Variants in HS3ST4 observed in about 807,000 individuals in gnomAD.
HS3ST4 encodes heparan sulfate-glucosamine 3-sulfotransferase 4.
Under a neutral mutation model 29.2 loss-of-function variants are expected in HS3ST4, and 17 were observed. That is an observed-to-expected ratio of 0.58 (90% CI 0.40 to 0.87). The LOEUF (loss-of-function observed/expected upper bound fraction) is 0.87, where lower values mean the gene tolerates loss of function less well. HS3ST4 is among the 40% of genes least tolerant of loss of function. HS3ST4 has a pLI of 0.00. For synonymous variants in HS3ST4, 314 were observed against 285.7 expected (o/e 1.10, Z -1.00); for missense variants, 627 against 634.5 (o/e 0.99, Z 0.13).
At chr16:26,011,897 G>T (rs1260030439) in intron 1 of HS3ST4, among the ~76,000 whole-genome samples, 1 of 152,146 alleles carries the variant, frequency 6.6e-6, no homozygotes, top group Admixed American at 6.5e-5. Flanking sequence ...TCTACAGATT[G>T]TAGGCTTGCC....
At chr16:25,989,401 C>T (rs896768304) in intron 1 of HS3ST4, among the ~76,000 whole-genome samples, 2 of 152,132 alleles carry the variant, frequency 1.3e-5, no homozygotes, top group Non-Finnish European at 2.9e-5. Flanking sequence ...GACACCACTG[C>T]GGTGACATAC....
At chr16:26,097,530 A>G (rs994503720) in intron 1 of HS3ST4, among the ~76,000 whole-genome samples, 2 of 152,240 alleles carry the variant, frequency 1.3e-5, no homozygotes, top group African/African-American at 4.8e-5. Context: ...GGCTAGCCAT[A>G]TGTAGAAAGC....
chr16:25,784,524 G>T (rs1391777515), intron 1 of HS3ST4, among the ~76,000 whole-genome samples: 1 of 152,234 alleles, frequency 6.6e-6, no homozygotes, highest in Non-Finnish European at 1.5e-5. Context: ...CTTTATTGCT[G>T]ATATGGGGGA....
chr16:26,048,559 AG>A (rs1898296832), intron 1 of HS3ST4, among the ~76,000 whole-genome samples: 1 of 152,196 alleles, frequency 6.6e-6, no homozygotes, highest in African/African-American at 2.4e-5. Context: ...GCTCATGCCT[AG>A]AATCCCAGCA....
chr16:25,916,855 A>C (rs1968298708), intron 1 of HS3ST4, among the ~76,000 whole-genome samples: 1 of 151,022 alleles, frequency 6.6e-6, no homozygotes, highest in Non-Finnish European at 1.5e-5. Context: ...GATTTTTTGT[A>C]TTTTTAGTAG....
chr16:25,735,370 G>C (rs1462984699), intron 1 of HS3ST4, among the ~76,000 whole-genome samples: 1 of 151,868 alleles, frequency 6.6e-6, no homozygotes, highest in African/African-American at 2.4e-5. Flanking sequence ...TGTTGACTCT[G>C]TTCTCATGTG....
At chr16:25,876,573 A>G (rs781213602) in intron 1 of HS3ST4, among the ~76,000 whole-genome samples, 1 of 152,088 alleles carries the variant, frequency 6.6e-6, no homozygotes, top group Non-Finnish European at 1.5e-5. Flanking sequence ...CTGTCCCCTC[A>G]TCTCTTATTG....
At chr16:25,902,043 G>A (rs1481586638) in intron 1 of HS3ST4, among the ~76,000 whole-genome samples, 1 of 152,094 alleles carries the variant, frequency 6.6e-6, no homozygotes, top group African/African-American at 2.4e-5. Flanking sequence ...TCTCCACCAC[G>A]ATATGGGTGT....
At chr16:26,063,789 C>T (rs1438292647) in intron 1 of HS3ST4, among the ~76,000 whole-genome samples, 2 of 152,190 alleles carry the variant, frequency 1.3e-5, no homozygotes, top group Non-Finnish European at 2.9e-5. Flanking sequence ...TCTGATACAA[C>T]TTTTCTCTTG....
chr16:25,891,658 C>G (rs978867625), intron 1 of HS3ST4, among the ~76,000 whole-genome samples: 2 of 152,140 alleles, frequency 1.3e-5, no homozygotes, highest in Non-Finnish European at 2.9e-5. Context: ...GGGGAGGAAA[C>G]GTAAGCCCCA....
At chr16:26,033,800 C>G (rs1019565701) in intron 1 of HS3ST4, among the ~76,000 whole-genome samples, 1 of 152,134 alleles carries the variant, frequency 6.6e-6, no homozygotes, top group Non-Finnish European at 1.5e-5. Context: ...TTGGATTTCA[C>G]TTCATGCTGC....
At chr16:25,782,111 AAGG>A (rs1263304946) in intron 1 of HS3ST4, among the ~76,000 whole-genome samples, 1 of 152,296 alleles carries the variant, frequency 6.6e-6, no homozygotes, top group Non-Finnish European at 1.5e-5. Flanking sequence ...AGGCGGCAGG[AAGG>A]AGAAGTGTGT....
intron 1 of HS3ST4, among the ~76,000 whole-genome samples, chr16:25,782,208 C>T (rs140791293): frequency 7.2e-5 from 11 of 152,252 alleles, no homozygotes; most frequent in Middle Eastern, 3.4e-3. Context: ...CATGGGAAAC[C>T]GCCCCCATAA....
intron 1 of HS3ST4, among the ~76,000 whole-genome samples, chr16:25,819,800 A>G (rs1030122082): frequency 1.3e-5 from 2 of 151,950 alleles, no homozygotes; most frequent in African/African-American, 2.4e-5. Context: ...ATGCCCATTA[A>G]GAGGAAAGGA....
At chr16:26,019,641 A>G (rs1440060947) in intron 1 of HS3ST4, among the ~76,000 whole-genome samples, 2 of 152,160 alleles carry the variant, frequency 1.3e-5, no homozygotes, top group African/African-American at 2.4e-5. Context: ...GGCTCCTGGG[A>G]TCTAGAACAC....
chr16:25,775,796 T>C (rs1246291999), intron 1 of HS3ST4, among the ~76,000 whole-genome samples: 1 of 152,250 alleles, frequency 6.6e-6, no homozygotes, highest in Non-Finnish European at 1.5e-5. Context: ...TCCTTGATGC[T>C]CTTCTCTGCT....
chr16:25,840,243 A>T (rs1967399675), intron 1 of HS3ST4, among the ~76,000 whole-genome samples: 8 of 152,200 alleles, frequency 5.3e-5, no homozygotes, highest in Admixed American at 5.2e-4. Context: ...TGTCCCAAAA[A>T]TTATTTCTGG....
At chr16:26,082,852 G>A (rs755560626) in intron 1 of HS3ST4, among the ~76,000 whole-genome samples, 2 of 152,196 alleles carry the variant, frequency 1.3e-5, no homozygotes, top group Non-Finnish European at 2.9e-5. Flanking sequence ...CATTGTCCAT[G>A]TTATAGAAAC....
intron 1 of HS3ST4, among the ~76,000 whole-genome samples, chr16:26,016,389 A>G (rs1387576374): frequency 6.6e-6 from 1 of 152,226 alleles, no homozygotes; most frequent in Non-Finnish European, 1.5e-5. Flanking sequence ...ATTGAGTAAC[A>G]CTGAATCACG....
Sources: allele counts gnomAD v4.1 joint callset (sites outside exome capture counted in the v4.1 genomes callset), GRCh38; gene constraint gnomAD v4.1.1; transcripts MANE v1.5; gene names NCBI Gene and HGNC (gene_info 2026-07-23, HGNC 2026-07-21).